FAM83B: variants seen among roughly 807,000 people sequenced by gnomAD.
The protein encoded by FAM83B is protein FAM83B.
In FAM83B, 26 loss-of-function variants were observed where a neutral mutation model predicts 38.8. That is an observed-to-expected ratio of 0.67 (90% CI 0.49 to 0.93). FAM83B has a LOEUF of 0.93. FAM83B is among the 40% of genes least tolerant of loss of function. The pLI, the probability that FAM83B is intolerant of heterozygous loss-of-function variation, is 0.00. For missense variants in FAM83B, 1,237 were observed against 1,197.3 expected (o/e 1.03, Z -0.49); for synonymous variants, 419 against 423.1 (o/e 0.99, Z 0.12).
rs1373278048 is a variant in FAM83B at position 54,943,060 on chromosome 6, A to T, written c.*1053A>T. 1 of 151,546 alleles carries T rather than the reference A, an allele frequency of 6.6e-6. No individual in the cohort carries two copies. Among genetic ancestry groups the T allele is most frequent in the Non-Finnish European group, 1.5e-5 (1 of 67,900 alleles). The allele number at this position is 151,546 out of a possible 1,614,324, so 9.4% of individuals were successfully genotyped here. On this transcript the variant is annotated 3_prime_UTR_variant, in exon 5 of 5. Transcript: ENST00000306858. ...TGGGATTACAGGTGCGCACCACCAC[A>T]CCCGGCTAATTTTTGTATTTTCAGA...
chr6:54,878,323 C>T (rs557666059), intron 2 of FAM83B, among the ~76,000 whole-genome samples: 213 of 152,242 alleles, frequency 1.4e-3, no homozygotes, highest in Non-Finnish European at 2.6e-3. Flanking sequence ...AGAAACCCTG[C>T]GTACCCTTGA....
chr6:54,860,789 TGAGA>T (rs1314737391), intron 1 of FAM83B, among the ~76,000 whole-genome samples: 2 of 152,244 alleles, frequency 1.3e-5, no homozygotes, highest in Admixed American at 6.5e-5. Context: ...AAAATTAATT[TGAGA>T]TGAATCAAAG....
At chr6:54,865,591 G>A (rs1048234286) in intron 1 of FAM83B, among the ~76,000 whole-genome samples, 1 of 152,172 alleles carries the variant, frequency 6.6e-6, no homozygotes, top group African/African-American at 2.4e-5. Flanking sequence ...AAAATGGACT[G>A]CAGTGATGTT....
intron 1 of FAM83B, among the ~76,000 whole-genome samples, chr6:54,863,534 T>C (rs1771634238): frequency 6.6e-6 from 1 of 152,242 alleles, no homozygotes; most frequent in Non-Finnish European, 1.5e-5. Flanking sequence ...TCTTACCAAC[T>C]ATGCCGCTGA....
At chr6:54,872,760 T>C (rs1466276705) in intron 2 of FAM83B, among the ~76,000 whole-genome samples, 1 of 152,180 alleles carries the variant, frequency 6.6e-6, no homozygotes, top group East Asian at 1.9e-4. Flanking sequence ...GGACTCCCAC[T>C]TGAATTAGCG....
intron 1 of FAM83B, among the ~76,000 whole-genome samples, chr6:54,851,322 T>G (rs1161539133): frequency 6.6e-6 from 1 of 152,070 alleles, no homozygotes; most frequent in Non-Finnish European, 1.5e-5. Flanking sequence ...TTACCTTCTC[T>G]TTTTATCTAT....
chr6:54,870,651 A>G lies in FAM83B; in HGVS notation c.405A>G (p.Ile135Met). 6.2e-7 allele frequency: 1 copy of G among 1,608,778 alleles called. No homozygotes were observed. The highest frequency in any genetic ancestry group is 8.5e-7 in the Non-Finnish European group (1 of 1,178,000). The change falls in exon 2 of 5, where the codon ATA becomes ATG. Residue 135 changes from isoleucine (I) to methionine (M), a missense_variant. Coordinates refer to ENST00000306858, the MANE Select transcript of FAM83B (RefSeq NM_001010872.3). The part of the protein sequence containing the change: ...FHPPRAHLLT[I>M]KETIRKMIKE... ...CACCAAGAGCACATCTACTTACGAT[A>G]AAAGAAACTATTCGGAAGATGATAA...
intron 2 of FAM83B, among the ~76,000 whole-genome samples, chr6:54,902,191 G>T (rs1263193042): frequency 1.3e-5 from 2 of 152,142 alleles, no homozygotes; most frequent in African/African-American, 2.4e-5. Context: ...TTTGTCCCGA[G>T]ATGCCCTCAA....
chr6:54,909,327 A>G (rs1452446900), intron 2 of FAM83B, among the ~76,000 whole-genome samples: 1 of 152,096 alleles, frequency 6.6e-6, no homozygotes, highest in African/African-American at 2.4e-5. Context: ...TTCCAATCCA[A>G]CTCCCTCTTG....
At chr6:54,916,640 A>G (rs910644970) in intron 2 of FAM83B, among the ~76,000 whole-genome samples, 1 of 152,186 alleles carries the variant, frequency 6.6e-6, no homozygotes, top group African/African-American at 2.4e-5. Context: ...AGAGGAGCTA[A>G]TAGGATGTTT....
intron 2 of FAM83B, among the ~76,000 whole-genome samples, chr6:54,922,454 A>T (rs2127587474): frequency 6.6e-6 from 1 of 151,954 alleles, no homozygotes; most frequent in Non-Finnish European, 1.5e-5. Context: ...TACACCCCTC[A>T]TTAATGCATA....
chr6:54,883,426 C>T (rs1372770905), intron 2 of FAM83B, among the ~76,000 whole-genome samples: 1 of 150,734 alleles, frequency 6.6e-6, no homozygotes, highest in African/African-American at 2.4e-5. Context: ...CCTCCGCCTC[C>T]CAGGTTCAAG....
At chr6:54,855,588 A>G (rs1009188219) in intron 1 of FAM83B, among the ~76,000 whole-genome samples, 1 of 152,142 alleles carries the variant, frequency 6.6e-6, no homozygotes, top group Non-Finnish European at 1.5e-5. Context: ...GAAATTCTAT[A>G]TTTTGTTTAT....
intron 1 of FAM83B, among the ~76,000 whole-genome samples, chr6:54,867,543 A>AT (rs1051643373): frequency 1.3e-5 from 2 of 151,938 alleles, no homozygotes; most frequent in African/African-American, 4.8e-5. Context: ...TGTATAATAT[A>AT]TTTTTCTGTG....
intron 1 of FAM83B, among the ~76,000 whole-genome samples, 189 bp from the exon 2 acceptor site, chr6:54,869,998 G>C (rs1771805719): frequency 1.3e-5 from 2 of 152,150 alleles, no homozygotes; most frequent in African/African-American, 4.8e-5. Flanking sequence ...AGGGAAATCT[G>C]TGTAGCTTAT....
intron 2 of FAM83B, among the ~76,000 whole-genome samples, chr6:54,896,960 A>T (rs1772552459): frequency 6.6e-6 from 1 of 152,248 alleles, no homozygotes; most frequent in Non-Finnish European, 1.5e-5. Flanking sequence ...CTAGATTCTT[A>T]GAGGTCATAC....
chr6:54,923,816 G>A (rs992520231), intron 2 of FAM83B, among the ~76,000 whole-genome samples: 1 of 151,220 alleles, frequency 6.6e-6, no homozygotes, highest in Non-Finnish European at 1.5e-5. Flanking sequence ...TATAATAGAT[G>A]ACCAGTTACT....
At chr6:54,933,780 C>A (rs1320845167) in intron 4 of FAM83B, among the ~76,000 whole-genome samples, 1 of 152,112 alleles carries the variant, frequency 6.6e-6, no homozygotes, top group Non-Finnish European at 1.5e-5. Context: ...TTTCTAAACT[C>A]TGGTTCCAAT....
intron 2 of FAM83B, among the ~76,000 whole-genome samples, chr6:54,897,469 C>T (rs1772563647): frequency 6.6e-6 from 1 of 151,962 alleles, no homozygotes; most frequent in Admixed American, 6.6e-5. Flanking sequence ...AAATAAGGCC[C>T]TAAAATTTTT....
Sources: gnomAD v4.1 joint callset for allele counts (sites outside exome capture counted in the v4.1 genomes callset) on GRCh38, gnomAD v4.1.1 for gene constraint, MANE v1.5 for transcripts, NCBI Gene and HGNC (gene_info 2026-07-23, HGNC 2026-07-21) for gene names.